The following PRKD1 variants were observed in gnomAD, a reference collection of about 807,000 sequenced individuals.
The protein encoded by PRKD1 is protein kinase D1.
PRKD1 carries 63 observed loss-of-function variants against 95.9 expected under a neutral mutation model. That is an observed-to-expected ratio of 0.66 (90% CI 0.54 to 0.81). The LOEUF is 0.81. Ranked by LOEUF, PRKD1 falls within the 30% of genes least tolerant of loss-of-function variation. The pLI is 0.00. For synonymous variants in PRKD1, 425 were observed against 423.1 expected, an observed-to-expected ratio of 1.00 and a Z score of -0.05; for missense variants, 1,048 against 1,165.3, an observed-to-expected ratio of 0.90 and a Z score of 1.47.
chr14:29,851,194 A>T (rs936940655), intron 1 of PRKD1, among the ~76,000 whole-genome samples: 1 of 152,208 alleles, frequency 6.6e-6, no homozygotes, highest in African/African-American at 2.4e-5. Flanking sequence ...AGTCATCAAA[A>T]GCAATTGCAA....
chr14:29,785,482 T>TATA (rs1889228933), intron 1 of PRKD1, among the ~76,000 whole-genome samples: 1 of 152,224 alleles, frequency 6.6e-6, no homozygotes, highest in South Asian at 2.1e-4. Context: ...AAGGTTTGTC[T>TATA]ATATATAAGA....
intron 2 of PRKD1, among the ~76,000 whole-genome samples, chr14:29,706,102 A>C (rs538252210): frequency 6.6e-6 from 1 of 152,162 alleles, no homozygotes; most frequent in South Asian, 2.1e-4. Flanking sequence ...TCCTTGTCAA[A>C]ATTGTTACTG....
rs1266599867 is a variant in PRKD1, at chr14:29,700,981, C to CGT, written c.403+24554_403+24555insAC. Reference sequence around the variant, plus strand: ...TTGTGTGTACGCGTGCGCATGCGCGCGCGCGCGCACACACACACACACACA... The same window carrying CGT: ...TTGTGTGTACGCGTGCGCATGCGCGCGTGCGCGCGCACACACACACACACACA... On this transcript the variant is annotated intron_variant, in intron 2 of 17. Transcript: ENST00000331968. 5.8e-3 allele frequency among the ~76,000 whole-genome samples: 661 copies of CGT among 114,806 alleles called. 10 individuals carry two copies. The highest frequency in any genetic ancestry group is 0.035 in the East Asian group (108 of 3,070). The allele number at this position is 114,806 out of a possible 152,430, so 75.3% of individuals were successfully genotyped here.
intron 4 of PRKD1, among the ~76,000 whole-genome samples, chr14:29,640,007 A>G (rs1880657376): frequency 6.6e-6 from 1 of 152,230 alleles, no homozygotes; most frequent in Admixed American, 6.5e-5. Flanking sequence ...TTTTAGAATC[A>G]TCAGAATAAG....
chr14:29,700,252 T>C (rs1884761134), intron 2 of PRKD1, among the ~76,000 whole-genome samples: 1 of 152,176 alleles, frequency 6.6e-6, no homozygotes, highest in Non-Finnish European at 1.5e-5. Flanking sequence ...ATTTCAATTA[T>C]CAATATCACC....
chr14:29,600,781 T>C (rs1893488054), intron 13 of PRKD1, among the ~76,000 whole-genome samples: 1 of 151,796 alleles, frequency 6.6e-6, no homozygotes, highest in African/African-American at 2.4e-5. Context: ...AATTGCCACA[T>C]GTCAAGTAAA....
chr14:29,613,838 G>A (rs1878652487), intron 13 of PRKD1, among the ~76,000 whole-genome samples: 1 of 152,204 alleles, frequency 6.6e-6, no homozygotes, highest in African/African-American at 2.4e-5. Context: ...ATCTAAGGAA[G>A]GCATACTCTT....
Position 29,576,525 on chromosome 14 carries a change from A to G in PRKD1, c.*713T>C, listed in dbSNP as rs1160179372. 1 of 152,684 alleles carries G rather than the reference A, an allele frequency of 6.5e-6. No individual in the cohort carries two copies. Among genetic ancestry groups the G allele is most frequent in the East Asian group, 1.9e-4 (1 of 5,198 alleles). The allele number at this position is 152,684 out of a possible 1,614,324, so 9.5% of individuals were successfully genotyped here. ...TTATTGAAAAATACACAAAGGTGAAAGGTTGCTGAGCAGCTGATTTTCCAT... is the reference window on the plus strand; with the variant it reads ...TTATTGAAAAATACACAAAGGTGAAGGGTTGCTGAGCAGCTGATTTTCCAT... On this transcript the variant is annotated 3_prime_UTR_variant, in exon 18 of 18. Transcript: ENST00000331968.
At chr14:29,623,882 C>T (rs1341115239) in intron 13 of PRKD1, among the ~76,000 whole-genome samples, 1 of 152,110 alleles carries the variant, frequency 6.6e-6, no homozygotes, top group Admixed American at 6.5e-5. Context: ...AGCATGTCCA[C>T]TATGAGCAAA....
intron 1 of PRKD1, among the ~76,000 whole-genome samples, chr14:29,768,574 G>A (rs140851627): frequency 6.6e-6 from 1 of 151,786 alleles, no homozygotes; most frequent in African/African-American, 2.4e-5. Flanking sequence ...ATGCTTCCAG[G>A]ATCCCCACAT....
At chr14:29,753,484 T>C (rs201199048) in intron 1 of PRKD1, among the ~76,000 whole-genome samples, 1 of 152,142 alleles carries the variant, frequency 6.6e-6, no homozygotes, top group East Asian at 1.9e-4. Context: ...TTTTGACTTC[T>C]TGAATATAAT....
chr14:29,663,633 A>G (rs1164244994), intron 4 of PRKD1, 66 bp downstream of exon 4: 3 of 1,557,532 alleles, frequency 1.9e-6, no homozygotes, highest in Non-Finnish European at 2.7e-6. Context: ...TTGGATTGAC[A>G]TTGCTATCAC....
At chr14:29,864,153 A>T (rs1331526844) in intron 1 of PRKD1, among the ~76,000 whole-genome samples, 1 of 152,124 alleles carries the variant, frequency 6.6e-6, no homozygotes, top group Non-Finnish European at 1.5e-5. Context: ...ACATTTTGTC[A>T]CTACTGGACA....
intron 1 of PRKD1, among the ~76,000 whole-genome samples, chr14:29,856,616 A>G (rs1373372472): frequency 1.3e-5 from 2 of 152,200 alleles, no homozygotes; most frequent in Admixed American, 1.3e-4. Context: ...CGTGAGTTCA[A>G]TGCACTAACT....
chr14:29,823,462 A>G (rs1890995979), intron 1 of PRKD1, among the ~76,000 whole-genome samples: 1 of 152,220 alleles, frequency 6.6e-6, no homozygotes. Context: ...TTTAATTAAT[A>G]AATATAAACA....
intron 1 of PRKD1, among the ~76,000 whole-genome samples, chr14:29,923,280 A>G (rs945709207): frequency 1.6e-4 from 25 of 151,944 alleles, no homozygotes; most frequent in African/African-American, 5.3e-4. Flanking sequence ...ATACTTCATC[A>G]TTAAATCAGA....
intron 1 of PRKD1, among the ~76,000 whole-genome samples, chr14:29,764,645 G>A (rs1888175933): frequency 6.6e-6 from 1 of 152,100 alleles, no homozygotes; most frequent in Non-Finnish European, 1.5e-5. Flanking sequence ...AACTCCCTCT[G>A]ACATGCCCTT....
intron 2 of PRKD1, among the ~76,000 whole-genome samples, chr14:29,695,228 C>A (rs1182188183): frequency 2.4e-4 from 30 of 126,036 alleles, no homozygotes; most frequent in African/African-American, 9.4e-4. Context: ...GAGGGAAACT[C>A]CATCTCAAAA....
intron 1 of PRKD1, among the ~76,000 whole-genome samples, chr14:29,725,952 T>C (rs772152849): frequency 6.6e-6 from 1 of 152,162 alleles, no homozygotes; most frequent in Non-Finnish European, 1.5e-5. Flanking sequence ...AAGATTTAAA[T>C]AAGTTCTGGC....
Sources: allele counts gnomAD v4.1 joint callset (sites outside exome capture counted in the v4.1 genomes callset), GRCh38; gene constraint gnomAD v4.1.1; transcripts MANE v1.5; gene names NCBI Gene and HGNC (gene_info 2026-07-23, HGNC 2026-07-21).